LDB3: variants seen among roughly 807,000 people sequenced by gnomAD.
The protein encoded by LDB3 is LIM domain-binding protein 3.
A neutral mutation model predicts 69.0 loss-of-function variants in LDB3; 49 were observed. That is an observed-to-expected ratio of 0.71 (90% CI 0.56 to 0.90). LDB3 has a LOEUF of 0.90. Ranked by LOEUF, LDB3 falls within the 40% of genes least tolerant of loss-of-function variation. The pLI, the probability that LDB3 is intolerant of heterozygous loss-of-function variation, is 0.00. For missense variants in LDB3, 928 were observed against 974.1 expected (o/e 0.95, Z 0.63); for synonymous variants, 387 against 396.2 (o/e 0.98, Z 0.28).
At position 86,722,502 on chromosome 10, in the gene LDB3, C is replaced by T. The variant is rs577009324; in HGVS notation, c.1979-3635C>T. On this transcript the variant is annotated intron_variant, in intron 12 of 13. Coordinates refer to ENST00000361373, the MANE Select transcript of LDB3 (RefSeq NM_007078.3). ...GTCTCGATCTCCTGATCTCGTGATC[C>T]GCCCACCTTGGCCTCCCAAAGTGCT... 2.1e-4 allele frequency among the ~76,000 whole-genome samples: 32 copies of T among 151,140 alleles called. No individual in the cohort carries two copies. In the South Asian group the frequency reaches 6.5e-3, roughly 31 times the overall value.
intron 2 of LDB3, among the ~76,000 whole-genome samples, chr10:86,674,775 A>G (rs2132342588): frequency 6.6e-6 from 1 of 152,194 alleles, no homozygotes; most frequent in African/African-American, 2.4e-5. Flanking sequence ...AAAGAGGAGG[A>G]TGGAGTCAGA....
chr10:86,708,847 G>A (rs959794166), intron 8 of LDB3, among the ~76,000 whole-genome samples: 12 of 152,166 alleles, frequency 7.9e-5, no homozygotes, highest in African/African-American at 2.4e-4. Flanking sequence ...GCCAGGGCCA[G>A]TCCCTTCTCA....
At chr10:86,692,122 G>A (rs992043450) in intron 6 of LDB3, 57 bp downstream of exon 6, 22 of 1,595,966 alleles carry the variant, frequency 1.4e-5, no homozygotes, top group Non-Finnish European at 1.7e-5. Flanking sequence ...GGGCCACCAG[G>A]GACCTGGGCC....
At chr10:86,667,334 C>T (rs945350802), upstream of LDB3, among the ~76,000 whole-genome samples, 14 of 152,114 alleles carry the variant, frequency 9.2e-5, no homozygotes, top group African/African-American at 3.4e-4. Context: ...AGCAGCCAAC[C>T]CAGTTGCCTC....
chr10:86,731,079 C>T (rs546855317), intron 13 of LDB3, among the ~76,000 whole-genome samples: 5 of 149,750 alleles, frequency 3.3e-5, no homozygotes, highest in East Asian at 4.0e-4. Flanking sequence ...TGCTTGAACC[C>T]GGGAGGCAGA....
rs992189173 is a variant in LDB3, at chr10:86,699,220, T to C, written c.896+6649T>C. The C allele has an allele frequency of 6.3e-7, 1 of 1,580,030 alleles. No homozygotes were observed. Among genetic ancestry groups the C allele is most frequent in the African/African-American group, 1.5e-5 (1 of 65,304 alleles). On this transcript the variant is annotated intron_variant, in intron 7 of 13. Coordinates refer to ENST00000361373, the MANE Select transcript of LDB3 (RefSeq NM_007078.3). The surrounding 1 kb of genome is among the most constrained non-coding windows in gnomAD (Gnocchi z 4.9). ...TTTCATTCTCCCTCTCTTCTCTCTC[T>C]TTCTGTCTCTGTCTCTGTTTCTCTC...
At chr10:86,702,718 A>G (rs1307439961) in intron 7 of LDB3, among the ~76,000 whole-genome samples, 1 of 152,184 alleles carries the variant, frequency 6.6e-6, no homozygotes, top group Non-Finnish European at 1.5e-5. Context: ...TGCTTGCTCT[A>G]TGATGCCCCC....
At chr10:86,680,197 G>C (rs775628647) in intron 4 of LDB3, 40 bp downstream of exon 4, 1 of 1,578,172 alleles carries the variant, frequency 6.3e-7, no homozygotes, top group African/African-American at 1.3e-5. Flanking sequence ...CTCAGCCCTG[G>C]TTCCTGGAGT....
chr10:86,678,333 G>A (rs1031928403), intron 2 of LDB3, among the ~76,000 whole-genome samples: 1 of 141,678 alleles, frequency 7.1e-6, no homozygotes, highest in Non-Finnish European at 1.5e-5. Context: ...CACCACACCT[G>A]GCCACCCTTT....
chr10:86,693,520 A>G (rs1845869172), intron 7 of LDB3, among the ~76,000 whole-genome samples: 2 of 152,226 alleles, frequency 1.3e-5, no homozygotes, highest in Non-Finnish European at 2.9e-5. Flanking sequence ...CTCTGGAGCC[A>G]GCTTAGACTT....
chr10:86,698,642 TGTGA>T (rs1258266450), intron 7 of LDB3, among the ~76,000 whole-genome samples: 3 of 152,192 alleles, frequency 2.0e-5, no homozygotes, highest in African/African-American at 7.2e-5. Context: ...ACAGTGACCT[TGTGA>T]GTATGTGTGG....
At chr10:86,680,277 C>A in intron 4 of LDB3, 120 bp downstream of exon 4, 1 of 839,200 alleles carries the variant, frequency 1.2e-6, no homozygotes, top group South Asian at 1.5e-5. Context: ...TCAGCCCTGC[C>A]CCATCCCTGC....
chr10:86,732,775 A>G lies in LDB3; in HGVS notation c.2095-112A>G, dbSNP rs975932138. 3.8e-6 allele frequency: 3 copies of G among 794,668 alleles called. No homozygotes were observed. The African/African-American group carries it at 5.1e-5, about 14-fold the overall frequency. 49.2% of individuals were successfully genotyped at this position (794,668 alleles called of 1,614,324 possible). A position where few individuals can be genotyped will look rare whatever the true frequency, so the allele number is the denominator to read the frequency against. On this transcript the variant is annotated intron_variant, in intron 13 of 13. Transcript: ENST00000361373. ...TGCCTTGGCCTTCCAAAGTGCTGGG[A>G]TTACAGGACTGAGCCACCACGCCTG...
rs181772727 is a variant in LDB3 at position 86,700,184 on chromosome 10, G to A, written c.897-6347G>A. On this transcript the variant is annotated intron_variant, in intron 7 of 13. Transcript: ENST00000361373. ...GTGTCCACCGGCCCCAGGACACAGCGCAGCTCTGGTCCTGCTGCTCTCCTG... is the reference window on the plus strand; with the variant it reads ...GTGTCCACCGGCCCCAGGACACAGCACAGCTCTGGTCCTGCTGCTCTCCTG... 6.3e-4 allele frequency: 309 copies of A among 487,776 alleles called. 2 individuals carry two copies. Among genetic ancestry groups the A allele is most frequent in the African/African-American group, 5.9e-3 (282 of 47,666 alleles). The allele number at this position is 487,776 out of a possible 1,614,324, so 30.2% of individuals were successfully genotyped here. A position where few individuals can be genotyped will look rare whatever the true frequency, so the allele number is the denominator to read the frequency against.
chr10:86,709,030 A>C (rs912094938), intron 8 of LDB3, among the ~76,000 whole-genome samples: 18 of 152,224 alleles, frequency 1.2e-4, no homozygotes, highest in Non-Finnish European at 2.5e-4. Flanking sequence ...GGGTGTGGGC[A>C]TGTGGTCCCC....
At chr10:86,675,202 T>C (rs1464093145) in intron 2 of LDB3, among the ~76,000 whole-genome samples, 3 of 152,010 alleles carry the variant, frequency 2.0e-5, no homozygotes, top group Non-Finnish European at 4.4e-5. Context: ...GGCCCATACC[T>C]GAGGATGAGG....
intron 2 of LDB3, among the ~76,000 whole-genome samples, chr10:86,675,111 G>T (rs1564630259): frequency 6.6e-6 from 1 of 152,210 alleles, no homozygotes; most frequent in African/African-American, 2.4e-5. Flanking sequence ...ATCCAGCTCA[G>T]CCACTTCCCT....
intron 2 of LDB3, among the ~76,000 whole-genome samples, chr10:86,678,988 A>C (rs1391488345): frequency 6.6e-6 from 1 of 152,160 alleles, no homozygotes; most frequent in Non-Finnish European, 1.5e-5. Context: ...TCATTCATGC[A>C]ACGTCCAATA....
chr10:86,726,745 A>G (rs532193416), intron 13 of LDB3, among the ~76,000 whole-genome samples: 1 of 152,304 alleles, frequency 6.6e-6, no homozygotes, highest in South Asian at 2.1e-4. Flanking sequence ...AAGACTGAGT[A>G]CCATTTTATT....
Sources: gnomAD v4.1 joint callset for allele counts (sites outside exome capture counted in the v4.1 genomes callset) on GRCh38, gnomAD v4.1.1 for gene constraint, Gnocchi (gnomAD v3.1) non-coding constraint, MANE v1.5 for transcripts, NCBI Gene and HGNC (gene_info 2026-07-23, HGNC 2026-07-21) for gene names.